Variants in CIB4 observed in about 807,000 individuals in gnomAD.
CIB4 encodes the protein calcium and integrin binding family member 4, also known as calcium and integrin-binding family member 4.
A neutral mutation model predicts 25.8 loss-of-function variants in CIB4; 25 were observed. The observed-to-expected ratio is 0.97, with a 90% CI of 0.71 to 1.35. The LOEUF is 1.35. CIB4 is among the 40% of genes most tolerant of loss of function. The pLI is 0.00. For synonymous variants in CIB4, 75 were observed against 81.4 expected (o/e 0.92, Z 0.42); for missense variants, 235 against 228.2 (o/e 1.03, Z -0.19).
intron 3 of CIB4, among the ~76,000 whole-genome samples, chr2:26,622,590 A>G (rs990042845): frequency 2.6e-5 from 4 of 152,298 alleles, no homozygotes; most frequent in African/African-American, 9.6e-5. Flanking sequence ...GGAAAGAATC[A>G]GCCAAGAGCT....
At chr2:26,588,319 C>T (rs1428602389) in intron 4 of CIB4, among the ~76,000 whole-genome samples, 2 of 152,258 alleles carry the variant, frequency 1.3e-5, no homozygotes, top group African/African-American at 2.4e-5. Flanking sequence ...AAATGTATTC[C>T]TGGACAGTTC....
chr2:26,620,254 T>A (rs758425392), intron 3 of CIB4, among the ~76,000 whole-genome samples: 6 of 152,194 alleles, frequency 3.9e-5, no homozygotes, highest in Non-Finnish European at 8.8e-5. Flanking sequence ...CTGATCTCCA[T>A]CCCGGAATCC....
At chr2:26,585,799 G>A (rs1459641153) in intron 4 of CIB4, among the ~76,000 whole-genome samples, 1 of 151,926 alleles carries the variant, frequency 6.6e-6, no homozygotes, top group Non-Finnish European at 1.5e-5. Context: ...ATATGCACCT[G>A]CCTTCCTGCT....
chr2:26,624,649 CTG>C, intron 3 of CIB4, among the ~76,000 whole-genome samples: 1 of 143,718 alleles, frequency 7.0e-6, no homozygotes, highest in Non-Finnish European at 1.5e-5. Flanking sequence ...CTTGGCAAAA[CTG>C]AAAGTTGGCA....
intron 4 of CIB4, among the ~76,000 whole-genome samples, chr2:26,590,619 C>A (rs76208631): frequency 6.6e-6 from 1 of 152,116 alleles, no homozygotes; most frequent in South Asian, 2.1e-4. Context: ...GTGGACCACT[C>A]CCCCCTCGAC....
At chr2:26,589,905 A>G (rs1167674828) in intron 4 of CIB4, among the ~76,000 whole-genome samples, 1 of 152,096 alleles carries the variant, frequency 6.6e-6, no homozygotes, top group East Asian at 1.9e-4. Flanking sequence ...TCTTCCTGAA[A>G]TGAAGATGAG....
rs1415959198 is a variant in CIB4, at chr2:26,582,982, G to T, written c.439-69C>A. ...AGGCAGTGAGGTGGGGCACAGGGTG[G>T]AGGGGGAAAGCCACATGCCAGGGGC... On this transcript the variant is annotated intron_variant, in intron 5 of 6. Coordinates refer to ENST00000288861, the MANE Select transcript of CIB4 (RefSeq NM_001029881.3). 14 of 1,065,520 alleles carry T rather than the reference G, an allele frequency of 1.3e-5. No homozygotes were observed. The East Asian group carries it at 2.6e-4, about 20-fold the overall frequency. 66.0% of individuals were successfully genotyped at this position (1,065,520 alleles called of 1,614,324 possible).
chr2:26,603,224 G>T (rs1402282134), intron 3 of CIB4, among the ~76,000 whole-genome samples: 1 of 152,156 alleles, frequency 6.6e-6, no homozygotes, highest in African/African-American at 2.4e-5. Flanking sequence ...AACTATCACA[G>T]ATCAGAGGAA....
At chr2:26,629,549 G>A (rs1346179253) in intron 2 of CIB4, 43 bp from the exon 3 acceptor site, 2 of 1,359,228 alleles carry the variant, frequency 1.5e-6, no homozygotes, top group Non-Finnish European at 2.1e-6. Context: ...GGGAAAGGAG[G>A]CCAGCACTGT....
At chr2:26,613,236 C>T (rs1669030394) in intron 3 of CIB4, among the ~76,000 whole-genome samples, 1 of 152,142 alleles carries the variant, frequency 6.6e-6, no homozygotes, top group African/African-American at 2.4e-5. Flanking sequence ...AAATTTCCTC[C>T]CTAGGACCAA....
chr2:26,629,449 C>T lies in CIB4; in HGVS notation c.147G>A (p.Thr49=), dbSNP rs376716139. Residue 49 remains threonine (T), a synonymous_variant, in exon 3 of 7, where the codon ACG becomes ACA. Coordinates refer to ENST00000288861, the MANE Select transcript of CIB4 (RefSeq NM_001029881.3). ...GGGAGCTGACCTGGTCCATGGTGAGCGTTGCCTCCTTGTAGTACTTCCCAG... is the reference window on the plus strand; with the variant it reads ...GGGAGCTGACCTGGTCCATGGTGAGTGTTGCCTCCTTGTAGTACTTCCCAG... ...CPPGKYYKEA[T]LTMDQVSSLP... is the part of the protein sequence containing the mutation. 1.1e-4 allele frequency: 178 copies of T among 1,582,610 alleles called. No homozygotes were observed. Among genetic ancestry groups the T allele is most frequent in the Non-Finnish European group, 1.3e-4 (157 of 1,164,156 alleles).
intron 3 of CIB4, among the ~76,000 whole-genome samples, chr2:26,622,266 T>A (rs953192478): frequency 6.6e-6 from 1 of 151,816 alleles, no homozygotes; most frequent in African/African-American, 2.4e-5. Context: ...GAGGCTGAGG[T>A]AGGAGAATTG....
chr2:26,590,029 C>A (rs988157548), intron 4 of CIB4, among the ~76,000 whole-genome samples: 4 of 152,104 alleles, frequency 2.6e-5, no homozygotes, highest in African/African-American at 7.2e-5. Context: ...GAAGCCATTG[C>A]CCCAACTCTG....
chr2:26,629,694 T>C (rs1033122024), intron 2 of CIB4, among the ~76,000 whole-genome samples, 188 bp from the exon 3 acceptor site: 9 of 152,248 alleles, frequency 5.9e-5, no homozygotes, highest in South Asian at 4.1e-4. Context: ...GTAATAAATA[T>C]GTCTTCTAGA....
At chr2:26,583,359 C>T (rs182911859) in intron 5 of CIB4, among the ~76,000 whole-genome samples, 23 of 152,270 alleles carry the variant, frequency 1.5e-4, no homozygotes, top group Non-Finnish European at 2.2e-4. Flanking sequence ...GGGCCGTCCT[C>T]GTGTTTGTCA....
chr2:26,593,272 ATC>A (rs1307341536), intron 4 of CIB4, among the ~76,000 whole-genome samples: 1 of 151,908 alleles, frequency 6.6e-6, no homozygotes, highest in East Asian at 1.9e-4. Context: ...CCTAGAATAA[ATC>A]TCTCTCTCTT....
chr2:26,625,295 G>A (rs1331182464), intron 3 of CIB4, among the ~76,000 whole-genome samples: 1 of 150,816 alleles, frequency 6.6e-6, no homozygotes, highest in African/African-American at 2.4e-5. Context: ...GCATGTGCTT[G>A]TACCTGGACC....
At chr2:26,601,229 AAAATATATATAT>A (rs1181428751) in intron 3 of CIB4, among the ~76,000 whole-genome samples, 1,443 of 25,296 alleles carry the variant, frequency 0.057, 101 homozygotes, top group East Asian at 0.15. Context: ...AAAAAAAAAA[AAAATATATATAT>A]ATATATATAT....
intron 2 of CIB4, 61 bp downstream of exon 2, chr2:26,640,472 C>G: frequency 6.4e-7 from 1 of 1,568,510 alleles, no homozygotes; most frequent in Non-Finnish European, 8.7e-7. Context: ...TGTATTAGGG[C>G]AAGAATCCAG....
Sources: gnomAD v4.1 joint callset for allele counts (sites outside exome capture counted in the v4.1 genomes callset) on GRCh38, gnomAD v4.1.1 for gene constraint, MANE v1.5 for transcripts, NCBI Gene and HGNC (gene_info 2026-07-23, HGNC 2026-07-21) for gene names.